AMZ1: variants seen among roughly 807,000 people sequenced by gnomAD.
AMZ1 encodes the protein archaemetzincin-1.
Under a neutral mutation model 29.9 loss-of-function variants are expected in AMZ1, and 39 were observed. The observed-to-expected ratio is 1.30, with a 90% CI of 1.01 to 1.70. The LOEUF is 1.70. AMZ1 is among the 40% of genes most tolerant of loss of function. AMZ1 has a pLI of 0.00. For synonymous variants in AMZ1, 458 were observed against 304.0 expected, an observed-to-expected ratio of 1.51 and a Z score of -5.27; for missense variants, 1,041 against 680.6, an observed-to-expected ratio of 1.53 and a Z score of -5.89.
At position 2,700,760 on chromosome 7, in the gene AMZ1, G is replaced by C; in HGVS notation, c.304+5G>C. The C allele has an allele frequency of 6.2e-7, 1 of 1,609,378 alleles. No individual in the cohort carries two copies. Among genetic ancestry groups the C allele is most frequent in the Non-Finnish European group, 8.5e-7 (1 of 1,177,842 alleles). ...ACATCTACCTACAGCCGATAGGTAC[G>C]GGACGCCTGCAGCCATCGGCACGCT... On this transcript the variant is annotated splice_donor_5th_base_variant and intron_variant, in intron 2 of 6. Transcript: ENST00000683327.
At chr7:2,706,089 G>T (rs77315190) in intron 3 of AMZ1, among the ~76,000 whole-genome samples, 3 of 152,354 alleles carry the variant, frequency 2.0e-5, no homozygotes, top group Non-Finnish European at 2.9e-5. Flanking sequence ...GGAGCCCTCG[G>T]GAAAAGGACA....
chr7:2,750,648 G>A (rs906146311), intron 4 of AMZ1, among the ~76,000 whole-genome samples: 2 of 152,212 alleles, frequency 1.3e-5, no homozygotes, highest in African/African-American at 4.8e-5. Flanking sequence ...TTTGGACCAC[G>A]GTTGACTGCG....
chr7:2,734,526 C>G (rs1790060514), intron 4 of AMZ1, among the ~76,000 whole-genome samples: 1 of 152,176 alleles, frequency 6.6e-6, no homozygotes, highest in South Asian at 2.1e-4. Context: ...AGAAGGCCAT[C>G]AGAATGGACT....
intron 1 of AMZ1, among the ~76,000 whole-genome samples, chr7:2,696,826 C>T (rs1241464371): frequency 6.6e-6 from 1 of 152,012 alleles, no homozygotes; most frequent in East Asian, 2.0e-4. Flanking sequence ...GTGGAGGTTG[C>T]AGTGAGCAAA....
At chr7:2,738,921 G>A (rs1338091398) in intron 4 of AMZ1, among the ~76,000 whole-genome samples, 2 of 152,110 alleles carry the variant, frequency 1.3e-5, no homozygotes, top group African/African-American at 4.8e-5. Flanking sequence ...CTTGCCCTGT[G>A]TGTAGCCTCG....
At chr7:2,762,424 G>A (rs547683181), upstream of AMZ1, 1 of 486,612 alleles carries the variant, frequency 2.1e-6, no homozygotes, top group South Asian at 4.2e-5. Context: ...ACGTTAACTT[G>A]GCCAAGGGCA....
intron 1 of AMZ1, among the ~76,000 whole-genome samples, chr7:2,682,711 C>T (rs996696551): frequency 6.6e-6 from 1 of 152,128 alleles, no homozygotes; most frequent in African/African-American, 2.4e-5. Context: ...TGCTTGTGTT[C>T]CGAGCCCCTT....
rs545250954 is a variant in AMZ1 at position 2,681,351 on chromosome 7, G to T, written c.-219+1680G>T. Among the ~76,000 whole-genome samples the T allele has an allele frequency of 2.0e-4, 31 of 152,110 alleles. 1 individual carries two copies. Among genetic ancestry groups the T allele is most frequent in the African/African-American group, 6.8e-4 (28 of 41,474 alleles). On this transcript the variant is annotated intron_variant, in intron 1 of 6. Coordinates refer to the AMZ1 transcript ENST00000312371. ...TGATCCTCCCACCTCAGCCTCCTAGGTGCATGCCACCACGCCCTCAGGTGA... is the reference window on the plus strand; with the variant it reads ...TGATCCTCCCACCTCAGCCTCCTAGTTGCATGCCACCACGCCCTCAGGTGA...
intron 4 of AMZ1, among the ~76,000 whole-genome samples, chr7:2,736,806 C>T (rs553465608): frequency 3.9e-5 from 6 of 152,340 alleles, no homozygotes; most frequent in South Asian, 2.1e-4. Flanking sequence ...CAGCCTCGCC[C>T]GTCACCTCTG....
chr7:2,748,997 A>G (rs1006539970), intron 4 of AMZ1, among the ~76,000 whole-genome samples: 3 of 152,356 alleles, frequency 2.0e-5, no homozygotes, highest in African/African-American at 7.2e-5. Flanking sequence ...TGATCATTAA[A>G]AAGTCAGGAA....
At chr7:2,683,540 C>G (rs1292948535), upstream of AMZ1, among the ~76,000 whole-genome samples, 1 of 152,140 alleles carries the variant, frequency 6.6e-6, no homozygotes, top group African/African-American at 2.4e-5. Context: ...CAGGTTCACA[C>G]CATTCTCCTG....
intron 4 of AMZ1, among the ~76,000 whole-genome samples, chr7:2,745,683 T>C (rs1790730939): frequency 6.6e-6 from 1 of 152,234 alleles, no homozygotes; most frequent in African/African-American, 2.4e-5. Context: ...TAACTTTGAA[T>C]GTAAATGGGC....
intron 4 of AMZ1, among the ~76,000 whole-genome samples, chr7:2,725,558 G>A (rs1173734838): frequency 6.6e-6 from 1 of 152,248 alleles, no homozygotes; most frequent in Non-Finnish European, 1.5e-5. Context: ...CCATAGGGCA[G>A]GTCTCAGTGA....
rs1314291612 is a variant in AMZ1, at chr7:2,719,468, G to A, written c.*6590G>A. Among the ~76,000 whole-genome samples, 12 of 152,188 alleles carry A rather than the reference G, an allele frequency of 7.9e-5. No individual in the cohort carries two copies. Among genetic ancestry groups the A allele is most frequent in the African/African-American group, 2.7e-4 (11 of 41,446 alleles). On this transcript the variant is annotated 3_prime_UTR_variant, in exon 7 of 7. Transcript: ENST00000683327. ...CACAATAGCCTCTCCCAACGGGAAC[G>A]ACTTAGCCCTAATTACATGAGCTTT...
intron 4 of AMZ1, among the ~76,000 whole-genome samples, chr7:2,746,769 T>C (rs1353283809): frequency 6.6e-6 from 1 of 152,038 alleles, no homozygotes; most frequent in East Asian, 1.9e-4. Flanking sequence ...GATAGACCGC[T>C]AGCAAGACTA....
chr7:2,709,603 G>C (rs909011061), intron 5 of AMZ1, 37 bp from the exon 6 acceptor site: 3 of 1,593,272 alleles, frequency 1.9e-6, no homozygotes, highest in South Asian at 1.1e-5. Flanking sequence ...GCAGGGGCAA[G>C]GCAGTGAGGC....
rs566033495 is a variant in AMZ1 at position 2,719,247 on chromosome 7, C to T, written c.*6369C>T. ...GTGTCTCTTTATTCCTGCCATCCTC[C>T]GGCCGCCTCTCCCGCCTGCACCACT... On this transcript the variant is annotated 3_prime_UTR_variant, in exon 7 of 7. Coordinates refer to ENST00000683327, the MANE Select transcript of AMZ1 (RefSeq NM_001384743.1). 1.3e-4 allele frequency among the ~76,000 whole-genome samples: 20 copies of T among 152,318 alleles called. No individual in the cohort carries two copies. Among genetic ancestry groups the T allele is most frequent in the African/African-American group, 2.4e-4 (10 of 41,570 alleles).
chr7:2,762,711 G>C (rs1791621222), upstream of AMZ1: 2 of 1,565,048 alleles, frequency 1.3e-6, no homozygotes, highest in African/African-American at 1.4e-5. Flanking sequence ...AGGAGCGCCA[G>C]AGGGAAGCAG....
At chr7:2,703,484 C>T (rs891733496) in intron 3 of AMZ1, among the ~76,000 whole-genome samples, 1 of 146,832 alleles carries the variant, frequency 6.8e-6, no homozygotes, top group Non-Finnish European at 1.5e-5. Context: ...CTCCAACCTT[C>T]CGTCTTTGCA....
Sources: allele counts gnomAD v4.1 joint callset (sites outside exome capture counted in the v4.1 genomes callset), GRCh38; gene constraint gnomAD v4.1.1; transcripts MANE v1.5; gene names NCBI Gene and HGNC (gene_info 2026-07-23, HGNC 2026-07-21).